Variants in PAWR observed in about 807,000 individuals in gnomAD.
PAWR encodes PRKC apoptosis WT1 regulator protein.
Under a neutral mutation model 32.0 loss-of-function variants are expected in PAWR, and 23 were observed. The ratio of observed to expected loss-of-function variants is 0.72; its 90% CI spans 0.52 to 1.02. The LOEUF is 1.02. Ranked by LOEUF, PAWR falls within the 50% of genes least tolerant of loss-of-function variation. The probability of loss-of-function intolerance (pLI) is 0.00; values close to 1 mark genes in which losing one functional copy is unlikely to be tolerated. For synonymous variants in PAWR, 226 were observed against 187.1 expected, an observed-to-expected ratio of 1.21 and a Z score of -1.70; for missense variants, 457 against 437.7, an observed-to-expected ratio of 1.04 and a Z score of -0.39.
chr12:79,611,531 C>T (rs1366887596), intron 4 of PAWR, among the ~76,000 whole-genome samples: 1 of 151,632 alleles, frequency 6.6e-6, no homozygotes. Context: ...AAATAACAAA[C>T]TGTTGATATA....
At chr12:79,613,476 T>C (rs777865977) in intron 4 of PAWR, 99 bp downstream of exon 4, 9 of 581,686 alleles carry the variant, frequency 1.5e-5, no homozygotes, top group Non-Finnish European at 2.4e-5. Flanking sequence ...AAAAGTTTCT[T>C]ACTTTTCAAA....
chr12:79,613,994 T>A (rs1874603870), intron 3 of PAWR, among the ~76,000 whole-genome samples: 3 of 15,658 alleles, frequency 1.9e-4, no homozygotes, highest in African/African-American at 7.5e-4. Flanking sequence ...TTTTTTTTTT[T>A]TTTTTTTTTT....
chr12:79,626,474 T>C (rs1875327181), intron 2 of PAWR, among the ~76,000 whole-genome samples: 2 of 151,488 alleles, frequency 1.3e-5, no homozygotes, highest in African/African-American at 4.8e-5. Context: ...TTAGCCAGGA[T>C]GGTCTCGATC....
At chr12:79,671,412 G>A (rs1877893605) in intron 2 of PAWR, among the ~76,000 whole-genome samples, 1 of 152,196 alleles carries the variant, frequency 6.6e-6, no homozygotes, top group African/African-American at 2.4e-5. Flanking sequence ...CTTATGTGTA[G>A]TTAGCGTAGA....
At chr12:79,604,562 A>C (rs1047839531) in intron 4 of PAWR, 2 of 1,243,644 alleles carry the variant, frequency 1.6e-6, no homozygotes, top group African/African-American at 1.6e-5. Context: ...AGTATCAAAT[A>C]TTCAGAAGTA....
intron 2 of PAWR, among the ~76,000 whole-genome samples, chr12:79,680,132 C>T (rs1878370184): frequency 6.6e-6 from 1 of 152,202 alleles, no homozygotes; most frequent in Admixed American, 6.5e-5. Flanking sequence ...CTGATATGAA[C>T]ACATGTTAGG....
intron 2 of PAWR, among the ~76,000 whole-genome samples, chr12:79,638,815 G>A (rs1362216000): frequency 8.0e-6 from 1 of 124,530 alleles, no homozygotes; most frequent in African/African-American, 2.9e-5. Context: ...GTGTGTGTGT[G>A]TGTGTATTAT....
intron 2 of PAWR, among the ~76,000 whole-genome samples, chr12:79,676,169 C>A (rs1400796157): frequency 6.6e-6 from 1 of 152,080 alleles, no homozygotes. Flanking sequence ...CCATCTAGAG[C>A]TGTTCTAAAA....
intron 2 of PAWR, 53 bp from the exon 3 acceptor site, chr12:79,621,260 GATA>G: frequency 7.6e-7 from 1 of 1,310,296 alleles, no homozygotes; most frequent in Non-Finnish European, 1.1e-6. Flanking sequence ...AGACTGTTTC[GATA>G]ATATGTGAAA....
intron 4 of PAWR, among the ~76,000 whole-genome samples, chr12:79,601,909 G>A (rs984474943): frequency 3.9e-5 from 6 of 152,104 alleles, no homozygotes; most frequent in Non-Finnish European, 7.4e-5. Flanking sequence ...CAAAATCAGC[G>A]TAATTTTTCT....
intron 4 of PAWR, among the ~76,000 whole-genome samples, chr12:79,607,884 T>C (rs1048836404): frequency 5.9e-5 from 9 of 151,926 alleles, no homozygotes; most frequent in Admixed American, 2.6e-4. Flanking sequence ...ACCCCGTCTC[T>C]ACCAAAAATA....
At chr12:79,667,972 C>T (rs1289570656) in intron 2 of PAWR, 19 of 151,210 alleles carry the variant, frequency 1.3e-4, no homozygotes, top group East Asian at 3.9e-4. Flanking sequence ...GGCACGATCT[C>T]GGCTCACCAC....
chr12:79,660,123 T>A (rs966915677), intron 2 of PAWR, among the ~76,000 whole-genome samples: 25 of 152,318 alleles, frequency 1.6e-4, no homozygotes, highest in African/African-American at 5.8e-4. Flanking sequence ...CATTGTCGGT[T>A]ATAAATGTTA....
intron 2 of PAWR, among the ~76,000 whole-genome samples, chr12:79,641,796 G>A (rs1046584979): frequency 3.1e-5 from 4 of 129,660 alleles, no homozygotes; most frequent in Admixed American, 1.0e-4. Flanking sequence ...GCAGTGAGCC[G>A]AGATCGCACC....
At chr12:79,677,193 T>C (rs1193501405) in intron 2 of PAWR, among the ~76,000 whole-genome samples, 3 of 152,158 alleles carry the variant, frequency 2.0e-5, no homozygotes, top group African/African-American at 4.8e-5. Context: ...ACATCCAAAT[T>C]AGAGAATATT....
intron 4 of PAWR, among the ~76,000 whole-genome samples, chr12:79,612,206 A>G (rs1321972123): frequency 6.6e-6 from 1 of 152,148 alleles, no homozygotes; most frequent in East Asian, 1.9e-4. Flanking sequence ...ACCTACATCA[A>G]AATTACCCAG....
intron 2 of PAWR, among the ~76,000 whole-genome samples, chr12:79,633,531 T>C (rs936474620): frequency 5.3e-5 from 8 of 152,184 alleles, no homozygotes; most frequent in Admixed American, 4.6e-4. Flanking sequence ...TGTTGTTGTT[T>C]TTCTTTTATA....
chr12:79,604,654 C>T (rs1246129520), intron 4 of PAWR: 2 of 1,288,232 alleles, frequency 1.6e-6, no homozygotes, highest in Admixed American at 4.6e-5. Context: ...CTGCCCCATT[C>T]TCTTCACCCT....
intron 2 of PAWR, among the ~76,000 whole-genome samples, chr12:79,637,597 G>A (rs1213914314): frequency 6.7e-6 from 1 of 150,124 alleles, no homozygotes; most frequent in Admixed American, 6.6e-5. Context: ...GTATCTCTAT[G>A]TGAAAAGAAC....
Sources: allele counts gnomAD v4.1 joint callset (sites outside exome capture counted in the v4.1 genomes callset), GRCh38; gene constraint gnomAD v4.1.1; transcripts MANE v1.5; gene names NCBI Gene and HGNC (gene_info 2026-07-23, HGNC 2026-07-21).